The following XRN2 variants were observed in gnomAD, a reference collection of about 807,000 sequenced individuals.
XRN2 encodes DHM1-like protein.
Under a neutral mutation model 138.5 loss-of-function variants are expected in XRN2, and 44 were observed. That is an observed-to-expected ratio of 0.32 (90% CI 0.25 to 0.41). XRN2 has a LOEUF of 0.41. Among genes scored for constraint, XRN2 ranks in the 10% least tolerant of loss-of-function variants. The probability of loss-of-function intolerance (pLI) is 1.00; values close to 1 mark genes in which losing one functional copy is unlikely to be tolerated. For missense variants in XRN2, 937 were observed against 1,169.3 expected, an observed-to-expected ratio of 0.80 and a Z score of 2.90; for synonymous variants, 354 against 369.4, an observed-to-expected ratio of 0.96 and a Z score of 0.48.
At position 21,389,292 on chromosome 20, in the gene XRN2, G is replaced by C; in HGVS notation, c.2807G>C (p.Arg936Thr). Reference sequence around the variant, plus strand: ...TTTCAGGGATATCCCAGAGAAGGAAGGAAATACCCTTTGCCACCACCCTCA... The same window carrying C: ...TTTCAGGGATATCCCAGAGAAGGAACGAAATACCCTTTGCCACCACCCTCA... ...GGRQGYPREG[R>T]KYPLPPPSGR... The change falls in exon 30 of 30, where the codon AGG becomes ACG. Residue 936 changes from arginine to threonine, a missense_variant. Physicochemically the swap from Arg to Thr is moderately conservative, Grantham distance 71. Coordinates refer to ENST00000377191, the MANE Select transcript of XRN2 (RefSeq NM_012255.5). 1 of 1,613,136 alleles carries C rather than the reference G, an allele frequency of 6.2e-7. No individual in the cohort carries two copies. The highest frequency in any genetic ancestry group is 8.5e-7 in the Non-Finnish European group (1 of 1,179,560).
intron 27 of XRN2, among the ~76,000 whole-genome samples, chr20:21,381,055 A>G (rs960337959): frequency 6.6e-6 from 1 of 152,186 alleles, no homozygotes; most frequent in East Asian, 1.9e-4. Context: ...AGTAAAAACC[A>G]TATATATTTT....
intron 15 of XRN2, among the ~76,000 whole-genome samples, chr20:21,342,369 TAAG>T (rs1328819823): frequency 7.2e-5 from 11 of 152,164 alleles, no homozygotes; most frequent in Non-Finnish European, 1.6e-4. Context: ...AAAAACAGCT[TAAG>T]AAGAAATTTG....
chr20:21,388,649 A>G (rs564799689), intron 29 of XRN2, among the ~76,000 whole-genome samples: 2 of 152,324 alleles, frequency 1.3e-5, no homozygotes, highest in Middle Eastern at 3.4e-3. Flanking sequence ...TCAAAACCCT[A>G]GAGGCCTAGG....
intron 4 of XRN2, among the ~76,000 whole-genome samples, chr20:21,329,651 T>G (rs1173604963): frequency 6.6e-6 from 1 of 152,178 alleles, no homozygotes; most frequent in Non-Finnish European, 1.5e-5. Flanking sequence ...AAGAATGTCT[T>G]TTTTTTGAAG....
At chr20:21,365,516 A>C (rs757880131) in intron 25 of XRN2, 27 bp downstream of exon 25, 1 of 1,613,694 alleles carries the variant, frequency 6.2e-7, no homozygotes, top group South Asian at 1.1e-5. Context: ...ACCTAGATTT[A>C]TTTTGTACAA....
Position 21,326,449 on chromosome 20 carries a change from G to T in XRN2, c.204-41G>T, listed in dbSNP as rs1298497829. ...GTCACTGATATAGCAAATCACAGAGGAAACATTATATTATATTACATTGTT... is the reference window on the plus strand; with the variant it reads ...GTCACTGATATAGCAAATCACAGAGTAAACATTATATTATATTACATTGTT... On this transcript the variant is annotated intron_variant, in intron 2 of 29. Coordinates refer to ENST00000377191, the MANE Select transcript of XRN2 (RefSeq NM_012255.5). 3 of 1,613,622 alleles carry T rather than the reference G, an allele frequency of 1.9e-6. No individual in the cohort carries two copies. In the Admixed American group the frequency reaches 5.0e-5, roughly 27 times the overall value.
At chr20:21,357,000 T>G (rs1479537005) in intron 23 of XRN2, among the ~76,000 whole-genome samples, 3 of 152,186 alleles carry the variant, frequency 2.0e-5, no homozygotes, top group Non-Finnish European at 4.4e-5. Context: ...TCTCAAGAGA[T>G]AGAAGCAGAG....
chr20:21,304,204 T>TA (rs1308394082), intron 1 of XRN2, among the ~76,000 whole-genome samples: 1 of 152,208 alleles, frequency 6.6e-6, no homozygotes, highest in Non-Finnish European at 1.5e-5. Context: ...GTTTTGTTTT[T>TA]ATTGTTTTCG....
chr20:21,342,045 T>A (rs535589111), intron 15 of XRN2, among the ~76,000 whole-genome samples: 2 of 152,146 alleles, frequency 1.3e-5, no homozygotes, highest in African/African-American at 4.8e-5. Context: ...CTGTCTTAAT[T>A]AACTTCCCTT....
Position 21,356,614 on chromosome 20 carries a change from A to G in XRN2, c.2147A>G (p.His716Arg). 1 of 1,613,724 alleles carries G rather than the reference A, an allele frequency of 6.2e-7. No homozygotes were observed. The highest frequency in any genetic ancestry group is 8.5e-7 in the Non-Finnish European group (1 of 1,179,738). ...EPVEVPPELCHGIQGKFSLDE... is the reference protein window; with the variant it reads ...EPVEVPPELCRGIQGKFSLDE... ...GTGGAGGTACCCCCTGAACTATGTC[A>G]TGGGATTCAAGGAAAGTTTTCTTTG... Residue 716 changes from histidine to arginine, a missense_variant, in exon 23 of 30, where the codon CAT becomes CGT. By Grantham distance (29) the His-to-Arg change is conservative. Around this residue, in one of 6 missense-constraint regions of XRN2, gnomAD observed 372 missense variants for 414.4 expected, o/e 0.90. Transcript: ENST00000377191.
chr20:21,347,473 A>C (rs1239998588), intron 17 of XRN2, among the ~76,000 whole-genome samples: 1 of 152,236 alleles, frequency 6.6e-6, no homozygotes, highest in African/African-American at 2.4e-5. Flanking sequence ...TTTGTTGACA[A>C]GTAGAAAGTA....
chr20:21,336,329 G>T (rs555398048), intron 13 of XRN2, among the ~76,000 whole-genome samples: 1 of 152,202 alleles, frequency 6.6e-6, no homozygotes, highest in African/African-American at 2.4e-5. Flanking sequence ...GGGCGTGGTG[G>T]TGGGCGCCTA....
At chr20:21,383,376 C>G (rs757744172) in intron 28 of XRN2, among the ~76,000 whole-genome samples, 12 of 152,160 alleles carry the variant, frequency 7.9e-5, no homozygotes, top group Non-Finnish European at 1.6e-4. Flanking sequence ...AAATGTTTGT[C>G]TGCTTACAAA....
At chr20:21,387,078 T>G in intron 29 of XRN2, 72 bp downstream of exon 29, 2 of 1,529,878 alleles carry the variant, frequency 1.3e-6, no homozygotes, top group Non-Finnish European at 1.8e-6. Flanking sequence ...CTCCGTATTT[T>G]CTTACCAACA....
intron 17 of XRN2, among the ~76,000 whole-genome samples, chr20:21,347,728 T>TG (rs2038455855): frequency 6.6e-6 from 1 of 152,270 alleles, no homozygotes; most frequent in South Asian, 2.1e-4. Flanking sequence ...TTTCAACTGC[T>TG]GTTCCAATAA....
chr20:21,355,727 T>C (rs1428467066), intron 21 of XRN2, among the ~76,000 whole-genome samples: 1 of 152,128 alleles, frequency 6.6e-6, no homozygotes, highest in Non-Finnish European at 1.5e-5. Flanking sequence ...TGATATGTAA[T>C]AGTTACACAT....
chr20:21,358,818 CT>C (rs1441280043), intron 24 of XRN2, among the ~76,000 whole-genome samples: 2 of 152,078 alleles, frequency 1.3e-5, no homozygotes, highest in Non-Finnish European at 2.9e-5. Context: ...TCTTTGTGCT[CT>C]TTTGTTAAGG....
chr20:21,356,649 G>A lies in XRN2; in HGVS notation c.2182G>A (p.Ala728Thr). 1 of 1,613,554 alleles carries A rather than the reference G, an allele frequency of 6.2e-7. No homozygotes were observed. The highest frequency in any genetic ancestry group is 8.5e-7 in the Non-Finnish European group (1 of 1,179,594). ...AGGAAAGTTTTCTTTGGATGAAGAA[G>A]CCATTCTTCCAGATCAGTAAGTTTC... ...IQGKFSLDEE[A>T]ILPDQIVCSP... The change falls in exon 23 of 30, where the codon GCC (alanine) becomes ACC (threonine). Residue 728 changes from alanine (A) to threonine (T), a missense_variant. Coordinates refer to ENST00000377191, the MANE Select transcript of XRN2 (RefSeq NM_012255.5).
At position 21,344,071 on chromosome 20, in the gene XRN2, A is replaced by C; in HGVS notation, c.1411-19A>C. The C allele has an allele frequency of 6.5e-7, 1 of 1,544,802 alleles. No individual in the cohort carries two copies. Among genetic ancestry groups the C allele is most frequent in the Non-Finnish European group, 8.9e-7 (1 of 1,118,740 alleles). On this transcript the variant is annotated intron_variant, in intron 15 of 29. Transcript: ENST00000377191. Reference sequence around the variant, plus strand: ...TGAATAATGAAATCCTTCTTCTGTAATGTCATCATTGTCTGCAGAGTCCTT... The same window carrying C: ...TGAATAATGAAATCCTTCTTCTGTACTGTCATCATTGTCTGCAGAGTCCTT...
Sources: gnomAD v4.1 joint callset for allele counts (sites outside exome capture counted in the v4.1 genomes callset) on GRCh38, gnomAD v4.1.1 for gene constraint, gnomAD v4.1.1 regional missense constraint, MANE v1.5 for transcripts, NCBI Gene and HGNC (gene_info 2026-07-23, HGNC 2026-07-21) for gene names.